The following SEMA6D variants were observed in gnomAD, a reference collection of about 807,000 sequenced individuals.
SEMA6D encodes semaphorin-6D.
In SEMA6D, 35 loss-of-function variants were observed where a neutral mutation model predicts 106.6. The observed-to-expected ratio is 0.33, with a 90% CI of 0.25 to 0.44. SEMA6D has a LOEUF of 0.44. Ranked by LOEUF, SEMA6D falls within the 20% of genes least tolerant of loss-of-function variation. SEMA6D has a pLI of 1.00. For synonymous variants in SEMA6D, 499 were observed against 487.7 expected, an observed-to-expected ratio of 1.02 and a Z score of -0.31; for missense variants, 1,185 against 1,345.9, an observed-to-expected ratio of 0.88 and a Z score of 1.87.
chr15:47,670,953 A>G (rs2078124843), intron 4 of SEMA6D, among the ~76,000 whole-genome samples: 1 of 152,238 alleles, frequency 6.6e-6, no homozygotes, highest in Non-Finnish European at 1.5e-5. Context: ...AAGGAAAAAA[A>G]GTGATATTGT....
Position 47,765,052 on chromosome 15 carries a change from G to A in SEMA6D, c.1423G>A (p.Ala475Thr). 1 of 1,613,656 alleles carries A rather than the reference G, an allele frequency of 6.2e-7. No homozygotes were observed. The highest frequency in any genetic ancestry group is 1.7e-5 in the Admixed American group (1 of 60,018). ...GGAAGAGATTGAAGCCTACAACCAT[G>A]CAAAGTAGGTATATGTTACGAGAAC... ...LLEEIEAYNHAKCSAENEEDK... is the reference protein window; with the variant it reads ...LLEEIEAYNHTKCSAENEEDK... Residue 475 changes from alanine (A) to threonine (T), a missense_variant, in exon 13 of 19, where the codon GCA becomes ACA. Transcript: ENST00000536845.
chr15:47,209,230 A>T (rs1022342910), intron 1 of SEMA6D, among the ~76,000 whole-genome samples: 2 of 152,216 alleles, frequency 1.3e-5, no homozygotes, highest in South Asian at 4.1e-4. Flanking sequence ...GAGACATGCC[A>T]TGTTAAATTT....
intron 1 of SEMA6D, among the ~76,000 whole-genome samples, chr15:47,268,246 G>T (rs570446045): frequency 6.6e-6 from 1 of 152,268 alleles, no homozygotes; most frequent in South Asian, 2.1e-4. Context: ...CTAGGCATGA[G>T]AATTATTCTA....
At chr15:47,200,022 G>A (rs1438085817) in intron 1 of SEMA6D, among the ~76,000 whole-genome samples, 2 of 152,098 alleles carry the variant, frequency 1.3e-5, no homozygotes, top group African/African-American at 2.4e-5. Context: ...GTAGAACTGA[G>A]GTCATCCTCA....
intron 2 of SEMA6D, among the ~76,000 whole-genome samples, chr15:47,432,049 A>G (rs1288670849): frequency 6.6e-6 from 1 of 152,048 alleles, no homozygotes; most frequent in Non-Finnish European, 1.5e-5. Context: ...GTTCCAGGGC[A>G]TCAAGCAATG....
At chr15:47,589,203 G>A (rs1364277475) in intron 3 of SEMA6D, among the ~76,000 whole-genome samples, 4 of 152,138 alleles carry the variant, frequency 2.6e-5, no homozygotes, top group African/African-American at 9.7e-5. Flanking sequence ...ACAGCAGAGG[G>A]CACCACTCCC....
rs1274096738 is a variant in SEMA6D at position 47,231,721 on chromosome 15, GAGA to G, written c.-239+47308_-239+47310del. Among the ~76,000 whole-genome samples, 4 of 152,088 alleles carry G rather than the reference GAGA, an allele frequency of 2.6e-5. No homozygotes were observed. In the East Asian group the frequency reaches 5.8e-4, roughly 22 times the overall value. On this transcript the variant is annotated intron_variant, in intron 1 of 19. Coordinates refer to the SEMA6D transcript ENST00000558014. ...TATCCCTTCAGGAGATGGCAATTAG[GAGA>G]AGAAATATTTTCTAATTCTTACCCT...
At chr15:47,538,875 CA>C (rs1465087658) in intron 3 of SEMA6D, among the ~76,000 whole-genome samples, 3 of 152,048 alleles carry the variant, frequency 2.0e-5, no homozygotes, top group Non-Finnish European at 4.4e-5. Flanking sequence ...AAAGAACAGA[CA>C]CACCTTTAAC....
At chr15:47,538,411 A>G (rs550728733) in intron 3 of SEMA6D, among the ~76,000 whole-genome samples, 1 of 152,336 alleles carries the variant, frequency 6.6e-6, no homozygotes, top group Non-Finnish European at 1.5e-5. Context: ...ACCCAGCAGC[A>G]TGTCAGACAA....
chr15:47,512,685 G>T (rs533519279), intron 3 of SEMA6D, among the ~76,000 whole-genome samples: 12 of 152,306 alleles, frequency 7.9e-5, no homozygotes, highest in African/African-American at 2.4e-4. Context: ...AAAGGACCAA[G>T]ACAAAGACTG....
intron 1 of SEMA6D, among the ~76,000 whole-genome samples, chr15:47,232,828 C>T (rs1466552532): frequency 6.6e-6 from 1 of 151,608 alleles, no homozygotes; most frequent in Non-Finnish European, 1.5e-5. Flanking sequence ...TATTTTGGGT[C>T]CTAGACCATC....
intron 3 of SEMA6D, among the ~76,000 whole-genome samples, chr15:47,513,932 T>C (rs116193884): frequency 1.7e-3 from 254 of 152,316 alleles, no homozygotes; most frequent in African/African-American, 5.9e-3. Context: ...ACAAATCATA[T>C]AGGGACTCCA....
At chr15:47,427,677 C>T (rs2041384900) in intron 2 of SEMA6D, among the ~76,000 whole-genome samples, 1 of 152,098 alleles carries the variant, frequency 6.6e-6, no homozygotes. Flanking sequence ...ATAATGTTAT[C>T]TTCTCTAACT....
chr15:47,540,095 A>T (rs930798824), intron 3 of SEMA6D, among the ~76,000 whole-genome samples: 1 of 151,984 alleles, frequency 6.6e-6, no homozygotes, highest in Admixed American at 6.6e-5. Context: ...TTGAATATGG[A>T]TGTGTCTACT....
chr15:47,725,260 C>T lies in SEMA6D; in HGVS notation c.-55+7568C>T, dbSNP rs551648337. On this transcript the variant is annotated intron_variant, in intron 1 of 18. Transcript: ENST00000536845. ...CACTGTAAGCTAGCAGAGGGAGTGA[C>T]ACATAGTAGATATGCAGCAAGTGTT... is the stretch of plus-strand genomic sequence containing the variant. Among the ~76,000 whole-genome samples, 16 of 152,188 alleles carry T rather than the reference C, an allele frequency of 1.1e-4. No individual in the cohort carries two copies. In the South Asian group the frequency reaches 3.1e-3, roughly 30 times the overall value.
intron 1 of SEMA6D, among the ~76,000 whole-genome samples, chr15:47,404,788 G>C (rs1410764537): frequency 1.3e-5 from 2 of 152,118 alleles, no homozygotes; most frequent in Admixed American, 1.3e-4. Flanking sequence ...CAATCAACAT[G>C]TATTTATCAG....
intron 3 of SEMA6D, among the ~76,000 whole-genome samples, chr15:47,494,460 C>T (rs2043573180): frequency 6.6e-6 from 1 of 151,736 alleles, no homozygotes; most frequent in Non-Finnish European, 1.5e-5. Flanking sequence ...ATTAAAATCT[C>T]AAGTAGAGAA....
chr15:47,228,342 A>T (rs1457929264), intron 1 of SEMA6D, among the ~76,000 whole-genome samples: 3 of 151,830 alleles, frequency 2.0e-5, no homozygotes, highest in Admixed American at 2.0e-4. Context: ...ACCTGGGGCA[A>T]GTTTACTGCT....
intron 4 of SEMA6D, among the ~76,000 whole-genome samples, chr15:47,630,855 G>A (rs928822585): frequency 2.0e-5 from 3 of 151,746 alleles, no homozygotes; most frequent in Non-Finnish European, 3.0e-5. Context: ...TGATATGATC[G>A]TGTGATTTTT....
Sources: allele counts gnomAD v4.1 joint callset (sites outside exome capture counted in the v4.1 genomes callset), GRCh38; gene constraint gnomAD v4.1.1; transcripts MANE v1.5; gene names NCBI Gene and HGNC (gene_info 2026-07-23, HGNC 2026-07-21).